Variants in DIPK1B observed in about 807,000 individuals in gnomAD.
The protein encoded by DIPK1B is family with sequence similarity 69 member B.
In DIPK1B, 17 loss-of-function variants were observed where a neutral mutation model predicts 20.7. The ratio of observed to expected loss-of-function variants is 0.82; its 90% CI spans 0.56 to 1.23. The LOEUF (loss-of-function observed/expected upper bound fraction) is 1.23, where lower values mean the gene tolerates loss of function less well. DIPK1B is among the 50% of genes most tolerant of loss of function. DIPK1B has a pLI of 0.00. For synonymous variants in DIPK1B, 343 were observed against 276.5 expected (o/e 1.24, Z -2.39); for missense variants, 648 against 601.8 (o/e 1.08, Z -0.80).
chr9:136,719,428 G>A (rs1846554791), intron 2 of DIPK1B, among the ~76,000 whole-genome samples: 1 of 152,186 alleles, frequency 6.6e-6, no homozygotes, highest in Non-Finnish European at 1.5e-5. Flanking sequence ...CCGGCCTCGT[G>A]GGGGCATTGG....
At chr9:136,717,186 G>A (rs1286843557) in intron 1 of DIPK1B, among the ~76,000 whole-genome samples, 2 of 150,688 alleles carry the variant, frequency 1.3e-5, no homozygotes, top group East Asian at 3.9e-4. Flanking sequence ...CCGAGATCGC[G>A]CCACTGCACT....
chr9:136,714,325 T>G (rs1290019490), intron 1 of DIPK1B, among the ~76,000 whole-genome samples: 1 of 152,194 alleles, frequency 6.6e-6, no homozygotes, highest in Non-Finnish European at 1.5e-5. Flanking sequence ...AGACCCTGTC[T>G]CAAAAGAACA....
intron 2 of DIPK1B, among the ~76,000 whole-genome samples, chr9:136,718,148 C>G (rs1479415230): frequency 1.5e-5 from 2 of 137,126 alleles, no homozygotes; most frequent in East Asian, 4.7e-4. Flanking sequence ...TAGCGACCCC[C>G]GTGTGCTGGC....
chr9:136,715,643 T>C (rs1020052620), intron 1 of DIPK1B, among the ~76,000 whole-genome samples: 4 of 151,400 alleles, frequency 2.6e-5, no homozygotes, highest in African/African-American at 9.8e-5. Context: ...GTCTCCCAAG[T>C]AGCTGGGATT....
chr9:136,722,754 T>C (rs1564310948), intron 4 of DIPK1B: 2 of 627,944 alleles, frequency 3.2e-6, no homozygotes, highest in Non-Finnish European at 5.5e-6. Flanking sequence ...GAGGTCTGTC[T>C]GGCAGCAGCC....
intron 2 of DIPK1B, among the ~76,000 whole-genome samples, chr9:136,719,606 T>C (rs1846558688): frequency 6.6e-6 from 1 of 152,216 alleles, no homozygotes; most frequent in Non-Finnish European, 1.5e-5. Context: ...AGGGGACCGA[T>C]GTGCGGCAAG....
rs568934026 is a variant in DIPK1B at position 136,721,767 on chromosome 9, A to G, written c.199-154A>G. ...GCCCCATCCTGCAGCCACCAATGGCATGACCCAGGGCCCCGGCACTGCCTG... is the reference window on the plus strand; with the variant it reads ...GCCCCATCCTGCAGCCACCAATGGCGTGACCCAGGGCCCCGGCACTGCCTG... On this transcript the variant is annotated intron_variant, in intron 2 of 4. Coordinates refer to ENST00000371692, the MANE Select transcript of DIPK1B (RefSeq NM_152421.4). The G allele has an allele frequency of 1.4e-3, 918 of 663,450 alleles. 14 individuals are homozygous for G. Among genetic ancestry groups the G allele is most frequent in the Admixed American group, 2.1e-3 (75 of 35,520 alleles). The allele number at this position is 663,450 out of a possible 1,614,324, so 41.1% of individuals were successfully genotyped here. A position where few individuals can be genotyped will look rare whatever the true frequency, so the allele number is the denominator to read the frequency against.
chr9:136,722,764 C>T, intron 4 of DIPK1B, 198 bp from the exon 5 acceptor site: 2 of 635,290 alleles, frequency 3.1e-6, no homozygotes, highest in South Asian at 4.1e-5. Context: ...TGGCAGCAGC[C>T]ACACAGGCCA....
chr9:136,712,931 C>T lies in DIPK1B; in HGVS notation c.63+203C>T, dbSNP rs1279678012. Among the ~76,000 whole-genome samples the T allele has an allele frequency of 1.3e-5, 2 of 152,164 alleles. No homozygotes were observed. The highest frequency in any genetic ancestry group is 3.9e-4 in the East Asian group (2 of 5,182). ...GGGGCGGTGGCGGCGACAGGAGGGT[C>T]CGGGCGCGGGGATGCTGCGGCCTGG... On this transcript the variant is annotated intron_variant, in intron 1 of 4. Coordinates refer to ENST00000371692, the MANE Select transcript of DIPK1B (RefSeq NM_152421.4). This position sits in a 1 kb window ranked among gnomAD's most constrained non-coding sequence, Gnocchi z 5.6.
intron 2 of DIPK1B, among the ~76,000 whole-genome samples, chr9:136,720,054 G>A (rs867711314): frequency 1.1e-4 from 16 of 150,634 alleles, no homozygotes; most frequent in East Asian, 3.9e-4. Context: ...CTGGGGCTCC[G>A]GGTGCAGGGG....
chr9:136,720,793 G>A (rs1193000302), intron 2 of DIPK1B: 3 of 152,302 alleles, frequency 2.0e-5, no homozygotes, highest in African/African-American at 7.2e-5. Context: ...TAGAGGCTGG[G>A]GCTCCGTTGC....
chr9:136,721,692 G>GGGGAC (rs1365713435), intron 2 of DIPK1B: 4 of 545,110 alleles, frequency 7.3e-6, no homozygotes, highest in African/African-American at 1.9e-5. Context: ...CCAGGATGGT[G>GGGGAC]GGGACGGGAC....
At chr9:136,722,073 C>A (rs373333094) in intron 3 of DIPK1B, 45 bp downstream of exon 3, 5 of 1,613,276 alleles carry the variant, frequency 3.1e-6, no homozygotes, top group Non-Finnish European at 4.2e-6. Context: ...TGATACTGCC[C>A]GTGCAGTGGG....
Position 136,712,670 on chromosome 9 carries a change from G to A in DIPK1B, c.5G>A (p.Arg2Gln), listed in dbSNP as rs1846441230. The change falls in exon 1 of 5, where the codon CGG becomes CAG. Residue 2 changes from arginine to glutamine, a missense_variant. Transcript: ENST00000371692. The surrounding 1 kb of genome is among the most constrained non-coding windows in gnomAD (Gnocchi z 5.6). M[R>Q]RLRRLAHLVL... ...CAGCCCCGGCCGGAGCCCACCATGC[G>A]GCGGCTGCGGCGCCTGGCGCACCTG... is the stretch of plus-strand genomic sequence containing the variant. 1 of 1,294,800 alleles carries A rather than the reference G, an allele frequency of 7.7e-7. No homozygotes were observed. The highest frequency in any genetic ancestry group is 9.8e-7 in the Non-Finnish European group (1 of 1,020,950). The allele number at this position is 1,294,800 out of a possible 1,614,324, so 80.2% of individuals were successfully genotyped here. A position where few individuals can be genotyped will look rare whatever the true frequency, so the allele number is the denominator to read the frequency against.
chr9:136,722,706 C>T (rs1042171353), intron 4 of DIPK1B: 15 of 586,908 alleles, frequency 2.6e-5, no homozygotes, highest in African/African-American at 1.7e-4. Flanking sequence ...TGCCCACCCC[C>T]GAGCTCCCCA....
At position 136,721,935 on chromosome 9, in the gene DIPK1B, CA is replaced by C; in HGVS notation, c.215del (p.Lys72ArgfsTer42). The C allele has an allele frequency of 6.2e-7, 1 of 1,613,488 alleles. No individual in the cohort carries two copies. Among genetic ancestry groups the C allele is most frequent in the Non-Finnish European group, 8.5e-7 (1 of 1,179,956 alleles). Reference sequence around the variant, plus strand: ...TGTCTCCTCAGTGTGACCAGTACCGCAAGGGGATCATCTCGGGCTCCGTCTG... The same window carrying C: ...TGTCTCCTCAGTGTGACCAGTACCGCAGGGGATCATCTCGGGCTCCGTCTG... ...CQVVICDQYR[K>X]GIISGSVCQD... On this transcript the variant is annotated frameshift_variant, in exon 3 of 5. Transcript: ENST00000371692. LOFTEE classifies it high-confidence loss of function.
intron 4 of DIPK1B, 56 bp from the exon 5 acceptor site, chr9:136,722,906 G>C (rs1304745045): frequency 1.3e-6 from 2 of 1,505,916 alleles, no homozygotes; most frequent in South Asian, 1.3e-5. Context: ...AGGCCAGGTC[G>C]TGCTCCCAGA....
chr9:136,720,040 T>C (rs1181628922), intron 2 of DIPK1B, among the ~76,000 whole-genome samples: 2 of 142,696 alleles, frequency 1.4e-5, no homozygotes, highest in East Asian at 2.0e-4. Context: ...GCGCAGGGGC[T>C]GGTCTGGGGC....
At chr9:136,719,875 C>G (rs1274517294) in intron 2 of DIPK1B, among the ~76,000 whole-genome samples, 2 of 151,166 alleles carry the variant, frequency 1.3e-5, no homozygotes, top group South Asian at 2.1e-4. Context: ...TGGTCTGGGG[C>G]TCCGGGCGCA....
Sources: gnomAD v4.1 joint callset for allele counts (sites outside exome capture counted in the v4.1 genomes callset) on GRCh38, gnomAD v4.1.1 for gene constraint, Gnocchi (gnomAD v3.1) non-coding constraint, MANE v1.5 for transcripts, NCBI Gene and HGNC (gene_info 2026-07-23, HGNC 2026-07-21) for gene names.